Variants in ERC2 observed in about 807,000 individuals in gnomAD.
The protein encoded by ERC2 is ERC protein 2.
ERC2 carries 42 observed loss-of-function variants against 114.8 expected under a neutral mutation model. That is an observed-to-expected ratio of 0.37 (90% confidence interval 0.29 to 0.47). The LOEUF (loss-of-function observed/expected upper bound fraction) is 0.47. ERC2 is among the 20% of genes least tolerant of loss of function. The pLI is 0.99. For missense variants in ERC2, 939 were observed against 1,150.7 expected (o/e 0.82, Z 2.66); for synonymous variants, 454 against 425.5 (o/e 1.07, Z -0.82).
intron 13 of ERC2, among the ~76,000 whole-genome samples, chr3:55,919,252 G>A (rs1263448865): frequency 6.6e-6 from 1 of 152,120 alleles, no homozygotes; most frequent in Non-Finnish European, 1.5e-5. Context: ...AGTGGCACAT[G>A]CCTGCAGTCC....
chr3:55,651,183 G>A (rs1025245698), intron 17 of ERC2, among the ~76,000 whole-genome samples: 1 of 151,914 alleles, frequency 6.6e-6, no homozygotes, highest in African/African-American at 2.4e-5. Context: ...GATGTTATAT[G>A]CCAGTCTGCC....
intron 1 of ERC2, 148 bp from the exon 2 acceptor site, chr3:56,435,295 G>T: frequency 9.7e-5 from 21 of 216,216 alleles, no homozygotes; most frequent in South Asian, 2.0e-4. Flanking sequence ...CACCCATAAT[G>T]TTGATTTATA....
chr3:56,111,148 T>C (rs1052746102), intron 6 of ERC2, among the ~76,000 whole-genome samples: 3 of 152,094 alleles, frequency 2.0e-5, no homozygotes, highest in Non-Finnish European at 4.4e-5. Context: ...TGAGGCTGTG[T>C]TCTATGAACT....
intron 14 of ERC2, among the ~76,000 whole-genome samples, chr3:55,765,579 G>A (rs1037580538): frequency 2.0e-5 from 3 of 152,200 alleles, no homozygotes; most frequent in Non-Finnish European, 4.4e-5. Context: ...AATCCAAACT[G>A]GCAGAGGTAT....
In ERC2 at chr3:55,559,818, GT is replaced by G. The variant is rs371047593; in HGVS notation, c.*40-48543del. On this transcript the variant is annotated intron_variant, in intron 17 of 17. Transcript: ENST00000288221. Reference sequence around the variant, plus strand: ...AGGGCTTGACCTCAGGCTTTGGCCTGTTTCAGCTTCTCCCCAGGCAAGACCA... The same window carrying G: ...AGGGCTTGACCTCAGGCTTTGGCCTGTTCAGCTTCTCCCCAGGCAAGACCA... 2.4e-3 allele frequency among the ~76,000 whole-genome samples: 372 copies of G among 152,360 alleles called. 1 individual carries two copies. The highest frequency in any genetic ancestry group is 8.5e-3 in the African/African-American group (354 of 41,588).
At chr3:55,823,411 C>G (rs1188266208) in intron 14 of ERC2, among the ~76,000 whole-genome samples, 2 of 152,108 alleles carry the variant, frequency 1.3e-5, no homozygotes, top group Non-Finnish European at 2.9e-5. Flanking sequence ...AATGGCCTTC[C>G]TACCATACCC....
intron 2 of ERC2, among the ~76,000 whole-genome samples, chr3:56,334,183 C>T (rs1286516292): frequency 1.3e-5 from 2 of 152,194 alleles, no homozygotes; most frequent in East Asian, 1.9e-4. Flanking sequence ...CCCTTGGATG[C>T]CAAGGTACAA....
intron 7 of ERC2, among the ~76,000 whole-genome samples, chr3:56,023,489 C>T (rs903556228): frequency 6.6e-6 from 1 of 152,122 alleles, no homozygotes; most frequent in African/African-American, 2.4e-5. Flanking sequence ...CCTCTTTGCA[C>T]TCCAACTGTT....
At chr3:55,660,415 T>C (rs2061074498) in intron 17 of ERC2, among the ~76,000 whole-genome samples, 1 of 152,090 alleles carries the variant, frequency 6.6e-6, no homozygotes, top group African/African-American at 2.4e-5. Context: ...CTCCAAGGAT[T>C]TGAAGAGAAA....
chr3:55,700,512 G>T (rs560282998), intron 15 of ERC2, among the ~76,000 whole-genome samples: 1 of 152,226 alleles, frequency 6.6e-6, no homozygotes, highest in African/African-American at 2.4e-5. Context: ...CGAATGATAC[G>T]ATGGACTTCA....
chr3:56,351,047 G>T (rs1170369717), intron 2 of ERC2, among the ~76,000 whole-genome samples: 1 of 152,136 alleles, frequency 6.6e-6, no homozygotes, highest in Non-Finnish European at 1.5e-5. Flanking sequence ...AGCCTGCCCT[G>T]GGGTGGAGGA....
At chr3:55,920,106 A>G (rs531543371) in intron 13 of ERC2, among the ~76,000 whole-genome samples, 3 of 152,276 alleles carry the variant, frequency 2.0e-5, no homozygotes, top group African/African-American at 4.8e-5. Flanking sequence ...CCGGATGCAC[A>G]TTACATTTTG....
At chr3:56,401,765 G>A (rs1265565203) in intron 2 of ERC2, among the ~76,000 whole-genome samples, 7 of 152,212 alleles carry the variant, frequency 4.6e-5, no homozygotes, top group African/African-American at 1.7e-4. Flanking sequence ...AGTGGTGTTA[G>A]ACTGCAACTT....
chr3:55,829,301 T>C (rs1434530754), intron 14 of ERC2, among the ~76,000 whole-genome samples: 1 of 152,112 alleles, frequency 6.6e-6, no homozygotes, highest in Non-Finnish European at 1.5e-5. Flanking sequence ...GATTGATACA[T>C]TTCAAATAAA....
At chr3:55,762,563 T>C (rs1559614926) in intron 14 of ERC2, among the ~76,000 whole-genome samples, 1 of 152,126 alleles carries the variant, frequency 6.6e-6, no homozygotes, top group Non-Finnish European at 1.5e-5. Flanking sequence ...ATATTAAAGG[T>C]AATACATATT....
rs76802369 is a variant in ERC2, at chr3:56,209,833, T to C, written c.1075-36313A>G. Among the ~76,000 whole-genome samples, 982 of 152,134 alleles carry C rather than the reference T, an allele frequency of 6.5e-3. 10 individuals carry two copies. The highest frequency in any genetic ancestry group is 0.022 in the African/African-American group (926 of 41,494). The stretch of plus-strand genomic sequence containing the variant: ...TCTCAAGTGAGTTGACCATGAAAAA[T>C]ACAACTGAAAGTTTCATAAAGTCAC... On this transcript the variant is annotated intron_variant, in intron 3 of 17. Transcript: ENST00000288221.
At chr3:56,030,703 C>T (rs2074328914) in intron 7 of ERC2, among the ~76,000 whole-genome samples, 1 of 152,152 alleles carries the variant, frequency 6.6e-6, no homozygotes, top group African/African-American at 2.4e-5. Flanking sequence ...GTTTCCAGTG[C>T]TAATCCTCTG....
chr3:55,794,126 A>T (rs2070283196), intron 14 of ERC2, among the ~76,000 whole-genome samples: 1 of 152,300 alleles, frequency 6.6e-6, no homozygotes, highest in African/African-American at 2.4e-5. Flanking sequence ...ATTGTAGGAG[A>T]CAGTGATATG....
At chr3:56,093,811 T>C (rs1296319931) in intron 6 of ERC2, among the ~76,000 whole-genome samples, 1 of 152,130 alleles carries the variant, frequency 6.6e-6, no homozygotes, top group African/African-American at 2.4e-5. Flanking sequence ...GTTGTTTATT[T>C]GAAAAAAAGA....
Sources: allele counts gnomAD v4.1 joint callset (sites outside exome capture counted in the v4.1 genomes callset), GRCh38; gene constraint gnomAD v4.1.1; transcripts MANE v1.5; gene names NCBI Gene and HGNC (gene_info 2026-07-23, HGNC 2026-07-21).